The following NDUFAF2 variants were observed in gnomAD, a reference collection of about 807,000 sequenced individuals.
NDUFAF2 encodes NADH dehydrogenase [ubiquinone] 1 alpha subcomplex assembly factor 2.
Under a neutral mutation model 22.8 loss-of-function variants are expected in NDUFAF2, and 13 were observed. That is an observed-to-expected ratio of 0.57 (90% CI 0.37 to 0.91). The LOEUF (loss-of-function observed/expected upper bound fraction) is 0.91, where lower values mean the gene tolerates loss of function less well. Among genes scored for constraint, NDUFAF2 ranks in the 40% least tolerant of loss-of-function variants. The pLI, the probability that NDUFAF2 is intolerant of heterozygous loss-of-function variation, is 0.01. For synonymous variants in NDUFAF2, 53 were observed against 64.2 expected (o/e 0.83, Z 0.84); for missense variants, 162 against 195.2 (o/e 0.83, Z 1.01).
At chr5:61,150,607 A>G (rs1264023225) in intron 3 of NDUFAF2, among the ~76,000 whole-genome samples, 3 of 152,198 alleles carry the variant, frequency 2.0e-5, no homozygotes, top group Non-Finnish European at 4.4e-5. Context: ...TAAGACTGCA[A>G]CTATAGAGGT....
intron 3 of NDUFAF2, among the ~76,000 whole-genome samples, chr5:61,149,727 T>C (rs1328941285): frequency 6.6e-6 from 1 of 152,170 alleles, no homozygotes; most frequent in African/African-American, 2.4e-5. Flanking sequence ...CACTGAAACA[T>C]ACTGTTATTT....
At chr5:60,972,163 A>G (rs1462522795) in intron 1 of NDUFAF2, among the ~76,000 whole-genome samples, 2 of 151,214 alleles carry the variant, frequency 1.3e-5, no homozygotes, top group African/African-American at 4.9e-5. Flanking sequence ...GGCTGGTTTC[A>G]AACTCCTGAC....
intron 3 of NDUFAF2, among the ~76,000 whole-genome samples, chr5:61,123,065 T>C (rs1055384268): frequency 1.3e-5 from 2 of 152,110 alleles, no homozygotes; most frequent in Non-Finnish European, 2.9e-5. Flanking sequence ...TCTCAGAAGT[T>C]CTCAGCAGGG....
At chr5:60,958,549 C>A (rs9291699) in intron 1 of NDUFAF2, among the ~76,000 whole-genome samples, 9,672 of 152,052 alleles carry the variant, frequency 0.064, 1,015 homozygotes, top group African/African-American at 0.22. Context: ...GGATTATTAT[C>A]CTCATTTTAA....
intron 1 of NDUFAF2, among the ~76,000 whole-genome samples, chr5:60,988,240 A>G (rs921285623): frequency 2.0e-5 from 3 of 152,190 alleles, no homozygotes; most frequent in Admixed American, 6.6e-5. Flanking sequence ...AAAGATCTCT[A>G]CAATGAGAAT....
At chr5:61,110,312 A>C (rs1289515625) in intron 3 of NDUFAF2, among the ~76,000 whole-genome samples, 1 of 149,084 alleles carries the variant, frequency 6.7e-6, no homozygotes, top group Non-Finnish European at 1.5e-5. Context: ...TCTGCTTTTG[A>C]TATCAGACAA....
chr5:61,043,150 G>C (rs955202586), intron 1 of NDUFAF2, among the ~76,000 whole-genome samples: 1 of 152,154 alleles, frequency 6.6e-6, no homozygotes, highest in Non-Finnish European at 1.5e-5. Context: ...AACTTGGGAG[G>C]CAGGGGTTGC....
At chr5:61,096,750 G>C (rs1311240804) in intron 2 of NDUFAF2, among the ~76,000 whole-genome samples, 2 of 151,940 alleles carry the variant, frequency 1.3e-5, no homozygotes, top group Admixed American at 6.6e-5. Context: ...GATCACTGAA[G>C]GTCAGGAGTT....
intron 3 of NDUFAF2, among the ~76,000 whole-genome samples, chr5:61,120,444 T>C (rs1290431587): frequency 6.6e-6 from 1 of 152,124 alleles, no homozygotes; most frequent in Non-Finnish European, 1.5e-5. Context: ...TATCTCCAGT[T>C]TCAAGGATCC....
chr5:61,047,907 C>T (rs1419815446), intron 1 of NDUFAF2, among the ~76,000 whole-genome samples: 1 of 152,006 alleles, frequency 6.6e-6, no homozygotes, highest in Non-Finnish European at 1.5e-5. Context: ...CCTTTCTAGC[C>T]ATTTATCAAT....
At chr5:60,998,778 A>G (rs1275223259) in intron 1 of NDUFAF2, among the ~76,000 whole-genome samples, 1 of 150,676 alleles carries the variant, frequency 6.6e-6, no homozygotes. Context: ...ACCTAACTGC[A>G]TAAAAATTTT....
intron 1 of NDUFAF2, among the ~76,000 whole-genome samples, chr5:61,025,989 G>T (rs1751644602): frequency 6.6e-6 from 1 of 152,020 alleles, no homozygotes; most frequent in East Asian, 1.9e-4. Flanking sequence ...TAAATGGAAT[G>T]AAGGAATAGG....
chr5:60,972,579 T>C, intron 1 of NDUFAF2, among the ~76,000 whole-genome samples: 1 of 152,288 alleles, frequency 6.6e-6, no homozygotes. Flanking sequence ...CTTTTCTTTA[T>C]AAATTACCCA....
At chr5:61,024,590 A>C (rs1482833219) in intron 1 of NDUFAF2, among the ~76,000 whole-genome samples, 1 of 152,110 alleles carries the variant, frequency 6.6e-6, no homozygotes, top group African/African-American at 2.4e-5. Context: ...TAATTGAGAA[A>C]TAGAGAAAGT....
intron 1 of NDUFAF2, among the ~76,000 whole-genome samples, chr5:61,049,623 T>A (rs779517872): frequency 5.3e-5 from 8 of 152,134 alleles, no homozygotes; most frequent in Non-Finnish European, 7.4e-5. Context: ...CCCACCATTC[T>A]GCTTTATGTG....
chr5:61,139,983 T>C (rs1211202501), intron 3 of NDUFAF2, among the ~76,000 whole-genome samples: 5 of 152,186 alleles, frequency 3.3e-5, no homozygotes, highest in Non-Finnish European at 5.9e-5. Flanking sequence ...GTTTCATCAC[T>C]CAGGAAAACT....
At position 61,083,029 on chromosome 5, in the gene NDUFAF2, C is replaced by T. The variant is rs371848136; in HGVS notation, c.217+9815C>T. Among the ~76,000 whole-genome samples, 126 of 152,246 alleles carry T rather than the reference C, an allele frequency of 8.3e-4. 1 individual carries two copies. The South Asian group carries it at 0.014, about 17-fold the overall frequency. On this transcript the variant is annotated intron_variant, in intron 2 of 3. Coordinates refer to ENST00000296597, the MANE Select transcript of NDUFAF2 (RefSeq NM_174889.5). Reference sequence around the variant, plus strand: ...GTGTTCCCATTTCTTTGCAACTTCACCAACATCTCTTATTTTTTGACTTTT... The same window carrying T: ...GTGTTCCCATTTCTTTGCAACTTCATCAACATCTCTTATTTTTTGACTTTT...
chr5:60,988,524 A>T (rs946353406), intron 1 of NDUFAF2, among the ~76,000 whole-genome samples: 107 of 152,340 alleles, frequency 7.0e-4, no homozygotes, highest in African/African-American at 2.6e-3. Context: ...CCCGACTTCA[A>T]ACTACACCCA....
chr5:60,992,938 C>T (rs968642701), intron 1 of NDUFAF2, among the ~76,000 whole-genome samples: 2 of 152,198 alleles, frequency 1.3e-5, no homozygotes, highest in African/African-American at 4.8e-5. Context: ...GGCCAGAAAC[C>T]TCTTTGGCCT....
Sources: allele counts gnomAD v4.1 joint callset (sites outside exome capture counted in the v4.1 genomes callset), GRCh38; gene constraint gnomAD v4.1.1; transcripts MANE v1.5; gene names NCBI Gene and HGNC (gene_info 2026-07-23, HGNC 2026-07-21).